FGF12: variants seen among roughly 807,000 people sequenced by gnomAD.
FGF12 encodes the protein fibroblast growth factor 12, also known as fibroblast growth factor 12B.
FGF12 carries 14 observed loss-of-function variants against 23.6 expected under a neutral mutation model. The observed-to-expected ratio is 0.59, with a 90% CI of 0.39 to 0.93. FGF12 has a LOEUF of 0.93. FGF12 is among the 40% of genes least tolerant of loss of function. The pLI, the probability that FGF12 is intolerant of heterozygous loss-of-function variation, is 0.00. For synonymous variants in FGF12, 62 were observed against 77.3 expected, an observed-to-expected ratio of 0.80 and a Z score of 1.04; for missense variants, 175 against 217.8, an observed-to-expected ratio of 0.80 and a Z score of 1.24.
intron 3 of FGF12, among the ~76,000 whole-genome samples, chr3:192,349,916 G>T (rs1718138440): frequency 6.6e-6 from 1 of 152,022 alleles, no homozygotes; most frequent in African/African-American, 2.4e-5. Flanking sequence ...TACCTAATAT[G>T]TGCCAGGTAT....
intron 4 of FGF12, among the ~76,000 whole-genome samples, chr3:192,230,893 C>G (rs550818257): frequency 2.9e-4 from 44 of 152,216 alleles, no homozygotes; most frequent in Non-Finnish European, 5.1e-4. Context: ...AGATGGTAGA[C>G]ATAGTCCTGG....
intron 4 of FGF12, among the ~76,000 whole-genome samples, chr3:192,269,034 C>T (rs1400808431): frequency 1.3e-5 from 2 of 152,138 alleles, no homozygotes; most frequent in African/African-American, 4.8e-5. Flanking sequence ...CCTGCCTCAG[C>T]CTCCCTAGTA....
intron 2 of FGF12, among the ~76,000 whole-genome samples, chr3:192,511,649 T>C (rs1321604331): frequency 2.0e-5 from 3 of 152,208 alleles, no homozygotes; most frequent in Admixed American, 2.0e-4. Flanking sequence ...CAATATTGTT[T>C]AGCATCTTAA....
At chr3:192,619,918 A>G (rs1714908579) in intron 2 of FGF12, among the ~76,000 whole-genome samples, 1 of 152,146 alleles carries the variant, frequency 6.6e-6, no homozygotes, top group African/African-American at 2.4e-5. Context: ...CAACAAGTTG[A>G]CAGCTTCTCC....
At chr3:192,584,923 T>C (rs1713309976) in intron 2 of FGF12, among the ~76,000 whole-genome samples, 1 of 152,150 alleles carries the variant, frequency 6.6e-6, no homozygotes, top group Non-Finnish European at 1.5e-5. Context: ...ATCTCTGGGA[T>C]ATGACATCTG....
chr3:192,298,572 G>A (rs944993276), intron 4 of FGF12, among the ~76,000 whole-genome samples: 2 of 152,092 alleles, frequency 1.3e-5, no homozygotes, highest in Admixed American at 6.5e-5. Context: ...GGCCAAAATG[G>A]TGAAACTCCA....
chr3:192,468,990 C>T (rs764408364), intron 2 of FGF12, among the ~76,000 whole-genome samples: 6 of 152,146 alleles, frequency 3.9e-5, no homozygotes, highest in East Asian at 3.9e-4. Flanking sequence ...TCTTTTATCC[C>T]GTGGATTAAA....
chr3:192,718,161 CT>C (rs71177369), intron 2 of FGF12, among the ~76,000 whole-genome samples: 1,440 of 77,978 alleles, frequency 0.018, 7 homozygotes, highest in Non-Finnish European at 0.027. Flanking sequence ...GTTAGTCTTT[CT>C]TTTTTTTTTT....
At chr3:192,630,060 A>G (rs1330330567) in intron 2 of FGF12, among the ~76,000 whole-genome samples, 1 of 152,106 alleles carries the variant, frequency 6.6e-6, no homozygotes, top group Non-Finnish European at 1.5e-5. Context: ...GTTTCACACC[A>G]TCCCCTTGGT....
chr3:192,320,573 T>C (rs1203223397), intron 4 of FGF12, among the ~76,000 whole-genome samples: 1 of 152,130 alleles, frequency 6.6e-6, no homozygotes, highest in Non-Finnish European at 1.5e-5. Context: ...AAACAAGTCT[T>C]GGAAAATTCA....
At chr3:192,610,767 C>A (rs55888696) in intron 2 of FGF12, among the ~76,000 whole-genome samples, 2,038 of 152,106 alleles carry the variant, frequency 0.013, 28 homozygotes, top group Non-Finnish European at 0.022. Context: ...ACTCCTAATA[C>A]CCTGGCTATT....
At chr3:192,395,966 G>A (rs1277959101) in intron 2 of FGF12, among the ~76,000 whole-genome samples, 1 of 152,182 alleles carries the variant, frequency 6.6e-6, no homozygotes, top group Non-Finnish European at 1.5e-5. Context: ...ATGTCAAGAA[G>A]GTTTGGGTCG....
At chr3:192,718,265 A>C (rs1718926943) in intron 2 of FGF12, among the ~76,000 whole-genome samples, 1 of 149,934 alleles carries the variant, frequency 6.7e-6, no homozygotes, top group South Asian at 2.1e-4. Context: ...ACTGTTGTAT[A>C]AATAAACTCA....
chr3:192,468,968 T>A (rs1317719331), intron 2 of FGF12, among the ~76,000 whole-genome samples: 2 of 152,244 alleles, frequency 1.3e-5, no homozygotes, highest in African/African-American at 4.8e-5. Context: ...CCAGTATAGA[T>A]TCACGGCTAT....
intron 2 of FGF12, among the ~76,000 whole-genome samples, chr3:192,624,124 T>G (rs1286698124): frequency 6.6e-6 from 1 of 151,936 alleles, no homozygotes; most frequent in Non-Finnish European, 1.5e-5. Context: ...ATTAGTGAAA[T>G]TTGCTAATAC....
intron 2 of FGF12, among the ~76,000 whole-genome samples, chr3:192,429,520 C>T (rs1299255736): frequency 6.6e-6 from 1 of 152,098 alleles, no homozygotes; most frequent in East Asian, 1.9e-4. Flanking sequence ...TAAAATACTA[C>T]AAAATCTCTC....
chr3:192,704,447 T>C (rs1244681466), intron 2 of FGF12, among the ~76,000 whole-genome samples: 1 of 152,244 alleles, frequency 6.6e-6, no homozygotes, highest in Non-Finnish European at 1.5e-5. Context: ...TCTTTCTTTT[T>C]CTGGGCAGTA....
intron 2 of FGF12, among the ~76,000 whole-genome samples, chr3:192,720,685 T>G (rs1301814225): frequency 1.3e-5 from 2 of 152,150 alleles, no homozygotes; most frequent in Non-Finnish European, 2.9e-5. Flanking sequence ...ACACACTCTC[T>G]TAACACTAAA....
At chr3:192,172,466 T>G (rs1293307522) in intron 4 of FGF12, among the ~76,000 whole-genome samples, 1 of 150,636 alleles carries the variant, frequency 6.6e-6, no homozygotes, top group Admixed American at 6.7e-5. Flanking sequence ...GATAGTAAGA[T>G]AATATGAATA....
Sources: gnomAD v4.1 joint callset for allele counts (sites outside exome capture counted in the v4.1 genomes callset) on GRCh38, gnomAD v4.1.1 for gene constraint, MANE v1.5 for transcripts, NCBI Gene and HGNC (gene_info 2026-07-23, HGNC 2026-07-21) for gene names.